CAMK2D: variants seen among roughly 807,000 people sequenced by gnomAD.
CAMK2D encodes the protein calcium/calmodulin-dependent protein kinase type II subunit delta.
In CAMK2D, 37 loss-of-function variants were observed where a neutral mutation model predicts 84.0. The observed-to-expected ratio is 0.44, with a 90% CI of 0.34 to 0.58. CAMK2D has a LOEUF of 0.58. Ranked by LOEUF, CAMK2D falls within the 20% of genes least tolerant of loss-of-function variation. CAMK2D has a pLI of 0.02. For synonymous variants in CAMK2D, 202 were observed against 212.5 expected, an observed-to-expected ratio of 0.95 and a Z score of 0.43; for missense variants, 448 against 652.5, an observed-to-expected ratio of 0.69 and a Z score of 3.41.
intron 8 of CAMK2D, among the ~76,000 whole-genome samples, chr4:113,529,057 T>G (rs2098440783): frequency 6.6e-6 from 1 of 152,136 alleles, no homozygotes; most frequent in South Asian, 2.1e-4. Context: ...TGCACTGCAT[T>G]TGACCCTCCT....
intron 2 of CAMK2D, among the ~76,000 whole-genome samples, chr4:113,724,008 A>G (rs1386617368): frequency 6.6e-6 from 1 of 152,144 alleles, no homozygotes; most frequent in Admixed American, 6.5e-5. Flanking sequence ...GTATTACGTT[A>G]ATAAAATTCC....
chr4:113,753,983 T>G, intron 2 of CAMK2D: 1 of 972,254 alleles, frequency 1.0e-6, no homozygotes, highest in Non-Finnish European at 1.2e-6. Context: ...TTTATTTAGG[T>G]AGATAGCCTT....
intron 6 of CAMK2D, among the ~76,000 whole-genome samples, chr4:113,537,900 AACTT>A (rs2098504496): frequency 6.6e-6 from 1 of 152,238 alleles, no homozygotes; most frequent in African/African-American, 2.4e-5. Flanking sequence ...AATCCTAGTT[AACTT>A]CAAGAGTTTG....
At chr4:113,564,731 T>C (rs747786081) in intron 4 of CAMK2D, among the ~76,000 whole-genome samples, 22 of 152,210 alleles carry the variant, frequency 1.4e-4, no homozygotes, top group Non-Finnish European at 2.9e-4. Context: ...GAAGTGGAAC[T>C]ACGGGTATTT....
intron 2 of CAMK2D, among the ~76,000 whole-genome samples, chr4:113,740,287 A>T (rs1040184909): frequency 1.3e-5 from 2 of 152,190 alleles, no homozygotes; most frequent in African/African-American, 4.8e-5. Flanking sequence ...TGATAAACAA[A>T]ATGTGGTATA....
chr4:113,483,569 C>A (rs532537999), intron 16 of CAMK2D, among the ~76,000 whole-genome samples: 1 of 152,104 alleles, frequency 6.6e-6, no homozygotes, highest in Admixed American at 6.5e-5. Flanking sequence ...CCACACCCGG[C>A]TAATTTTCGT....
intron 2 of CAMK2D, among the ~76,000 whole-genome samples, chr4:113,678,342 A>G (rs1309038265): frequency 6.6e-6 from 1 of 152,138 alleles, no homozygotes; most frequent in East Asian, 1.9e-4. Flanking sequence ...ACATGAAATC[A>G]TCGTTCCCTA....
At chr4:113,524,248 T>C (rs2098399358) in intron 8 of CAMK2D, among the ~76,000 whole-genome samples, 1 of 152,176 alleles carries the variant, frequency 6.6e-6, no homozygotes, top group Non-Finnish European at 1.5e-5. Context: ...CTCCAGTTTG[T>C]TTTCATTTTT....
At chr4:113,491,939 G>A (rs560002213) in intron 16 of CAMK2D, among the ~76,000 whole-genome samples, 4 of 152,108 alleles carry the variant, frequency 2.6e-5, no homozygotes, top group Non-Finnish European at 5.9e-5. Context: ...AGAGCTGTTT[G>A]TAGTATTCTC....
At chr4:113,555,486 C>T (rs932302194) in intron 4 of CAMK2D, among the ~76,000 whole-genome samples, 1 of 152,102 alleles carries the variant, frequency 6.6e-6, no homozygotes, top group African/African-American at 2.4e-5. Context: ...ATGAGATTGC[C>T]AGACCTGAAA....
intron 4 of CAMK2D, among the ~76,000 whole-genome samples, chr4:113,595,497 A>G (rs2098921073): frequency 6.6e-6 from 1 of 151,830 alleles, no homozygotes; most frequent in South Asian, 2.1e-4. Flanking sequence ...AGTGAAATAA[A>G]TAACAGCAGT....
intron 16 of CAMK2D, among the ~76,000 whole-genome samples, chr4:113,468,452 A>G (rs893520528): frequency 2.0e-5 from 3 of 152,210 alleles, no homozygotes; most frequent in Non-Finnish European, 2.9e-5. Flanking sequence ...TCACTGGGGC[A>G]AAGGAGCTTG....
intron 11 of CAMK2D, 98 bp from the exon 12 acceptor site, chr4:113,513,468 A>C: frequency 1.2e-6 from 1 of 831,552 alleles, no homozygotes; most frequent in Non-Finnish European, 2.1e-6. Context: ...TCCTGGCCCT[A>C]CTTTCAGTTA....
intron 16 of CAMK2D, among the ~76,000 whole-genome samples, chr4:113,487,613 A>C (rs932265542): frequency 1.3e-5 from 2 of 152,082 alleles, no homozygotes; most frequent in African/African-American, 2.4e-5. Context: ...ATTTGACCTC[A>C]TAATAATTCT....
chr4:113,735,842 T>C (rs1441591279), intron 2 of CAMK2D, among the ~76,000 whole-genome samples: 1 of 152,160 alleles, frequency 6.6e-6, no homozygotes, highest in Non-Finnish European at 1.5e-5. Flanking sequence ...ATATTATCAC[T>C]GTCATCTTTG....
At chr4:113,700,662 G>T (rs1008090124) in intron 2 of CAMK2D, among the ~76,000 whole-genome samples, 3 of 132,940 alleles carry the variant, frequency 2.3e-5, no homozygotes, top group African/African-American at 8.8e-5. Context: ...ACCTCTCTAG[G>T]GTGACCACAC....
At chr4:113,573,390 A>T (rs780256788) in intron 4 of CAMK2D, among the ~76,000 whole-genome samples, 2 of 152,256 alleles carry the variant, frequency 1.3e-5, no homozygotes, top group Non-Finnish European at 2.9e-5. Flanking sequence ...TGAGCATTTT[A>T]GTACTGATGC....
intron 2 of CAMK2D, chr4:113,755,155 A>G: frequency 1.6e-6 from 1 of 634,066 alleles, no homozygotes; most frequent in Non-Finnish European, 1.9e-6. Flanking sequence ...TACAACATCA[A>G]AAAAGGTTAC....
At chr4:113,594,788 T>C (rs771562121) in intron 4 of CAMK2D, among the ~76,000 whole-genome samples, 21 of 152,048 alleles carry the variant, frequency 1.4e-4, no homozygotes, top group Admixed American at 5.9e-4. Context: ...CCAAGACAAC[T>C]TAGATTGTGG....
Sources: gnomAD v4.1 joint callset for allele counts (sites outside exome capture counted in the v4.1 genomes callset) on GRCh38, gnomAD v4.1.1 for gene constraint, MANE v1.5 for transcripts, NCBI Gene and HGNC (gene_info 2026-07-23, HGNC 2026-07-21) for gene names.